The following TEX2 variants were observed in gnomAD, a reference collection of about 807,000 sequenced individuals.
TEX2 encodes testis-expressed protein 2.
A neutral mutation model predicts 106.9 loss-of-function variants in TEX2; 53 were observed. The observed-to-expected ratio is 0.50, with a 90% CI of 0.40 to 0.62. The LOEUF (loss-of-function observed/expected upper bound fraction) is 0.62. Among genes scored for constraint, TEX2 ranks in the 20% least tolerant of loss-of-function variants. The pLI is 0.00. For synonymous variants in TEX2, 523 were observed against 534.8 expected (o/e 0.98, Z 0.30); for missense variants, 1,207 against 1,379.0 (o/e 0.88, Z 1.98).
chr17:64,149,958 A>G (rs1260318913), intron 11 of TEX2: 1 of 151,920 alleles, frequency 6.6e-6, no homozygotes, highest in Admixed American at 6.6e-5. Context: ...GGGAAAAATA[A>G]AAGGCATGAT....
chr17:64,242,039 C>T (rs937653371), intron 1 of TEX2, among the ~76,000 whole-genome samples: 1 of 152,192 alleles, frequency 6.6e-6, no homozygotes, highest in Admixed American at 6.5e-5. Context: ...TTATTCACTG[C>T]TGTATCCCAA....
At chr17:64,249,651 C>T (rs1199173325) in intron 1 of TEX2, among the ~76,000 whole-genome samples, 1 of 152,222 alleles carries the variant, frequency 6.6e-6, no homozygotes, top group East Asian at 1.9e-4. Flanking sequence ...GCACTTGCTA[C>T]ACTTGCTGCC....
chr17:64,213,736 G>T lies in TEX2; in HGVS notation c.482C>A (p.Ser161Tyr). 2 of 1,614,164 alleles carry T rather than the reference G, an allele frequency of 1.2e-6. No homozygotes were observed. The highest frequency in any genetic ancestry group is 8.5e-7 in the Non-Finnish European group (1 of 1,180,036). Reference sequence around the variant, plus strand: ...CTTAGAAGGAGAGGACAATGGGGAGGAAGAACTGGTTTTCTGCTCAGAAAG... The same window carrying T: ...CTTAGAAGGAGAGGACAATGGGGAGTAAGAACTGGTTTTCTGCTCAGAAAG... ...SSLSEQKTSS[S>Y]SPLSSPSKSP... Residue 161 changes from serine (S) to tyrosine (Y), a missense_variant, in exon 2 of 12, where the codon TCC (serine) becomes TAC (tyrosine). This residue lies in a region of TEX2 where 1,067 missense variants were observed against 1,193.6 expected (regional missense o/e 0.89). Transcript: ENST00000584379. This position sits in a 1 kb window ranked among gnomAD's most constrained non-coding sequence, Gnocchi z 4.4.
At chr17:64,261,985 C>T (rs892500660) in intron 1 of TEX2, among the ~76,000 whole-genome samples, 1 of 152,230 alleles carries the variant, frequency 6.6e-6, no homozygotes, top group Non-Finnish European at 1.5e-5. Flanking sequence ...GGATAACCTG[C>T]CCTCCATTTT....
At position 64,214,073 on chromosome 17, in the gene TEX2, C is replaced by A; in HGVS notation, c.145G>T (p.Glu49Ter). Residue 49 changes from glutamate to a stop codon, truncating the protein, a stop_gained, in exon 2 of 12, where the codon GAG (glutamate) becomes TAG (stop). Transcript: ENST00000584379. LOFTEE classifies it high-confidence loss of function. ...TCAAAGTACTCCCTGAACTCCTCCT[C>A]CTCTTCCTCCTCCTCCTCGCCGGAT... ...SASGEEEEEE[E>*]EEFREYFEEG... 1 of 1,614,174 alleles carries A rather than the reference C, an allele frequency of 6.2e-7. No homozygotes were observed. The highest frequency in any genetic ancestry group is 8.5e-7 in the Non-Finnish European group (1 of 1,180,010).
At chr17:64,222,066 A>T (rs1044985997) in intron 1 of TEX2, among the ~76,000 whole-genome samples, 4 of 152,214 alleles carry the variant, frequency 2.6e-5, no homozygotes, top group Non-Finnish European at 4.4e-5. Flanking sequence ...CAGTTTTATA[A>T]GATGAAAAAG....
chr17:64,154,879 T>G lies in TEX2; in HGVS notation c.2893A>C (p.Ser965Arg). The G allele has an allele frequency of 6.2e-7, 1 of 1,609,070 alleles. No homozygotes were observed. Among genetic ancestry groups the G allele is most frequent in the Non-Finnish European group, 8.5e-7 (1 of 1,178,240 alleles). ...SSEEDDAPEP[S>R]GGDKQLLPGA... is the part of the protein sequence containing the mutation. ...GGGAGGAGCTGTTTGTCTCCCCCGC[T>G]GGGCTCTGGGGCATCGTCTTCCTCG... The change falls in exon 9 of 12, where the codon AGC becomes CGC. Residue 965 changes from serine (S) to arginine (R), a missense_variant. By Grantham distance (110) the Ser-to-Arg change is moderately radical (BLOSUM62 -1). This residue lies in a region of TEX2 where 1,067 missense variants were observed against 1,193.6 expected (regional missense o/e 0.89). Coordinates refer to ENST00000584379, the MANE Select transcript of TEX2 (RefSeq NM_001288732.2).
Position 64,193,745 on chromosome 17 carries a change from C to T in TEX2, c.1990G>A (p.Gly664Arg), listed in dbSNP as rs568319403. 1.9e-6 allele frequency: 3 copies of T among 1,613,718 alleles called. No homozygotes were observed. The South Asian group carries it at 3.3e-5, about 18-fold the overall frequency. ...GGTGGCTTCTTAGGGTCCTCACTTCCCTCAGCTGGCGGCTTCTCTTCTGAA... is the reference window on the plus strand; with the variant it reads ...GGTGGCTTCTTAGGGTCCTCACTTCTCTCAGCTGGCGGCTTCTCTTCTGAA... ...ETSEEKPPAE[G>R]SEDPKKPPRP... The change falls in exon 4 of 12, where the codon GGA becomes AGA. Residue 664 changes from glycine (G) to arginine (R), a missense_variant. This residue lies in a region of TEX2 where 1,067 missense variants were observed against 1,193.6 expected (regional missense o/e 0.89). Coordinates refer to ENST00000584379, the MANE Select transcript of TEX2 (RefSeq NM_001288732.2).
Position 64,153,043 on chromosome 17 carries a change from T to G in TEX2, c.3042A>C (p.Glu1014Asp). Residue 1014 changes from glutamate (E) to aspartate (D), a missense_variant, in exon 10 of 12, where the codon GAA becomes GAC. Physicochemically the swap from Glu to Asp is conservative, Grantham distance 45. Coordinates refer to ENST00000584379, the MANE Select transcript of TEX2 (RefSeq NM_001288732.2). This position sits in a 1 kb window ranked among gnomAD's most constrained non-coding sequence, Gnocchi z 4.1. ...TETEFIKKKIEEVSNTPLLLT... is the reference protein window; with the variant it reads ...TETEFIKKKIDEVSNTPLLLT... ...GCAGCAGGGGTGTGTTGGAGACTTC[T>G]TCGATCTTCTTTTTAATAAACTCTG... 6.2e-7 allele frequency: 1 copy of G among 1,614,212 alleles called. No homozygotes were observed. Among genetic ancestry groups the G allele is most frequent in the Non-Finnish European group, 8.5e-7 (1 of 1,180,030 alleles).
At chr17:64,260,499 T>C (rs369964304) in intron 1 of TEX2, among the ~76,000 whole-genome samples, 21 of 152,272 alleles carry the variant, frequency 1.4e-4, no homozygotes, top group African/African-American at 4.8e-4. Flanking sequence ...ATCAATGTCC[T>C]AGACTGACAT....
rs117669013 is a variant in TEX2 at position 64,238,072 on chromosome 17, T to C, written c.-25-23830A>G. On this transcript the variant is annotated intron_variant, in intron 1 of 11. Coordinates refer to ENST00000584379, the MANE Select transcript of TEX2 (RefSeq NM_001288732.2). ...ATCCTGAGACTTTGGGAGGCCGAGG[T>C]GGGAGAATCACGATGTCAGGAGTTC... 9.0e-3 allele frequency among the ~76,000 whole-genome samples: 1,372 copies of C among 152,072 alleles called. 48 individuals carry two copies. The East Asian group carries it at 0.11, about 12-fold the overall frequency.
intron 6 of TEX2, among the ~76,000 whole-genome samples, chr17:64,174,827 G>A (rs2031555696): frequency 6.6e-6 from 1 of 152,242 alleles, no homozygotes. Context: ...ACTTACTACT[G>A]GGGCAGAAAC....
intron 5 of TEX2, among the ~76,000 whole-genome samples, chr17:64,182,908 T>C (rs2031934691): frequency 6.8e-6 from 1 of 146,268 alleles, no homozygotes; most frequent in Non-Finnish European, 1.5e-5. Context: ...ACTTTTGTTG[T>C]GTTTTTTTTT....
In TEX2 at chr17:64,196,844, T is replaced by C. The variant is rs2032483438; in HGVS notation, c.1645-1749A>G. ...ATGTATGAGTCATGATGTGCTGAAA[T>C]TGGGCTGTATCAGCTCACAAGAACG... On this transcript the variant is annotated intron_variant, in intron 2 of 11. Transcript: ENST00000584379. Among the ~76,000 whole-genome samples, 4 of 152,156 alleles carry C rather than the reference T, an allele frequency of 2.6e-5. No individual in the cohort carries two copies. In the South Asian group the frequency reaches 8.3e-4, roughly 32 times the overall value.
intron 1 of TEX2, among the ~76,000 whole-genome samples, chr17:64,237,278 C>T (rs1555635238): frequency 6.6e-6 from 1 of 151,736 alleles, no homozygotes; most frequent in African/African-American, 2.4e-5. Flanking sequence ...AGCAGCTTCT[C>T]GGGGGTGAGT....
At chr17:64,189,637 A>G (rs932638369) in intron 4 of TEX2, among the ~76,000 whole-genome samples, 1 of 152,200 alleles carries the variant, frequency 6.6e-6, no homozygotes, top group Non-Finnish European at 1.5e-5. Flanking sequence ...GCCTGATGCT[A>G]ACAATTTTAT....
At chr17:64,189,457 T>C (rs543338233) in intron 4 of TEX2, among the ~76,000 whole-genome samples, 2 of 152,204 alleles carry the variant, frequency 1.3e-5, no homozygotes, top group East Asian at 3.9e-4. Context: ...GGGCACAGTA[T>C]GTTTGGAGGC....
At chr17:64,218,738 C>T (rs538683150) in intron 1 of TEX2, among the ~76,000 whole-genome samples, 2 of 152,218 alleles carry the variant, frequency 1.3e-5, no homozygotes, top group South Asian at 4.2e-4. Context: ...TAACAGCCTC[C>T]TGAGCAGAAG....
chr17:64,243,808 CTT>C (rs782115456), intron 1 of TEX2, among the ~76,000 whole-genome samples: 17 of 134,410 alleles, frequency 1.3e-4, no homozygotes, highest in African/African-American at 1.4e-4. Flanking sequence ...TAAAACACCA[CTT>C]TTTTTTTTTT....
Sources: allele counts gnomAD v4.1 joint callset (sites outside exome capture counted in the v4.1 genomes callset), GRCh38; gene constraint gnomAD v4.1.1; regional missense constraint gnomAD v4.1.1; non-coding constraint Gnocchi (gnomAD v3.1); transcripts MANE v1.5; gene names NCBI Gene and HGNC (gene_info 2026-07-23, HGNC 2026-07-21).